Variants in LPXN observed in about 807,000 individuals in gnomAD.
LPXN encodes leupaxin.
LPXN carries 28 observed loss-of-function variants against 45.6 expected under a neutral mutation model. The observed-to-expected ratio is 0.61, with a 90% confidence interval of 0.45 to 0.84. LPXN has a LOEUF of 0.84. Among genes scored for constraint, LPXN ranks in the 40% least tolerant of loss-of-function variants. The pLI, the probability that LPXN is intolerant of heterozygous loss-of-function variation, is 0.00. For missense variants in LPXN, 459 were observed against 475.0 expected (o/e 0.97, Z 0.31); for synonymous variants, 166 against 169.9 (o/e 0.98, Z 0.18).
upstream of LPXN, among the ~76,000 whole-genome samples, chr11:58,576,344 G>T (rs777252766): frequency 6.6e-6 from 1 of 152,198 alleles, no homozygotes; most frequent in Non-Finnish European, 1.5e-5. Context: ...TAGGGCAGAA[G>T]TGGATTCATG....
At chr11:58,529,586 G>GGAGA (rs1853325081) in intron 7 of LPXN, among the ~76,000 whole-genome samples, 1 of 149,644 alleles carries the variant, frequency 6.7e-6, no homozygotes, top group Non-Finnish European at 1.5e-5. Context: ...CTCCAGCCTG[G>GGAGA]GAGATAGTGA....
chr11:58,550,129 C>A lies in LPXN; in HGVS notation c.504G>T (p.Gly168=). 1 of 1,613,850 alleles carries A rather than the reference C, an allele frequency of 6.2e-7. No individual in the cohort carries two copies. The highest frequency in any genetic ancestry group is 8.5e-7 in the Non-Finnish European group (1 of 1,179,750). Residue 168 remains glycine, a synonymous_variant, in exon 6 of 9, where the codon GGG becomes GGT. Transcript: ENST00000395074. Reference sequence around the variant, plus strand: ...CAAAATGCTCAGGATGCCATGATTGCCCTAGAGCATGGATCACCTGTGGAG... The same window carrying A: ...CAAAATGCTCAGGATGCCATGATTGACCTAGAGCATGGATCACCTGTGGAG... ...PIAGKVIHAL[G]QSWHPEHFVC... is the part of the protein sequence containing the mutation.
intron 5 of LPXN, 122 bp from the exon 6 acceptor site, chr11:58,550,268 A>C: frequency 2.2e-6 from 2 of 900,682 alleles, no homozygotes; most frequent in Non-Finnish European, 3.6e-6. Flanking sequence ...CCCTGGAATT[A>C]TACAACACTG....
rs372857209 is a variant in LPXN at position 58,551,037 on chromosome 11, G to A, written c.486+28C>T. 9.8e-6 allele frequency: 15 copies of A among 1,529,216 alleles called. No homozygotes were observed. The African/African-American group carries it at 1.8e-4, about 18-fold the overall frequency. The allele number at this position is 1,529,216 out of a possible 1,614,324, so 94.7% of individuals were successfully genotyped here. On this transcript the variant is annotated intron_variant, in intron 5 of 8. Transcript: ENST00000395074. ...GAGACAGAGAGAGACAAAGAAGGCT[G>A]TAGGACCAAAATTTCAGCCCATCTC...
In LPXN at chr11:58,554,905, G is replaced by A; in HGVS notation, c.254C>T (p.Ser85Phe). 1 of 1,614,098 alleles carries A rather than the reference G, an allele frequency of 6.2e-7. No individual in the cohort carries two copies. Among genetic ancestry groups the A allele is most frequent in the Non-Finnish European group, 8.5e-7 (1 of 1,179,996 alleles). The change falls in exon 4 of 9, where the codon TCT becomes TTT. Residue 85 changes from serine to phenylalanine, a missense_variant. Transcript: ENST00000395074. The part of the protein sequence containing the change: ...AQEPKESPPP[S>F]KTSAAAQLDE... Reference sequence around the variant, plus strand: ...CAACTGAGCAGCTGCTGACGTTTTAGAAGGTGGTGGTGATTCCTTTGGCTC... The same window carrying A: ...CAACTGAGCAGCTGCTGACGTTTTAAAAGGTGGTGGTGATTCCTTTGGCTC...
At chr11:58,575,073 G>GT (rs1854839972) in intron 1 of LPXN, among the ~76,000 whole-genome samples, 1 of 152,130 alleles carries the variant, frequency 6.6e-6, no homozygotes, top group Non-Finnish European at 1.5e-5. Context: ...TACTCCAAAG[G>GT]TTTGAAATCC....
chr11:58,532,565 G>T (rs1329564083), intron 7 of LPXN, among the ~76,000 whole-genome samples: 1 of 151,646 alleles, frequency 6.6e-6, no homozygotes, highest in East Asian at 1.9e-4. Flanking sequence ...TCTGTGTCTA[G>T]CTAATCTAGT....
chr11:58,556,013 A>G (rs1378573159), intron 3 of LPXN, among the ~76,000 whole-genome samples: 1 of 152,112 alleles, frequency 6.6e-6, no homozygotes, highest in African/African-American at 2.4e-5. Flanking sequence ...ATCATTGTAT[A>G]AAATTCCCAA....
chr11:58,544,842 A>G (rs1203284764), intron 7 of LPXN, among the ~76,000 whole-genome samples: 1 of 152,178 alleles, frequency 6.6e-6, no homozygotes, highest in Non-Finnish European at 1.5e-5. Context: ...AAAAAGAAAC[A>G]CAGGTAGACA....
chr11:58,571,023 C>A (rs1395661701), intron 1 of LPXN, among the ~76,000 whole-genome samples: 3 of 152,046 alleles, frequency 2.0e-5, no homozygotes. Flanking sequence ...AGGGTAGATT[C>A]CCCACAAATA....
At chr11:58,530,070 G>A (rs968410183) in intron 7 of LPXN, among the ~76,000 whole-genome samples, 2 of 152,322 alleles carry the variant, frequency 1.3e-5, no homozygotes, top group Non-Finnish European at 2.9e-5. Context: ...TTGTGCCTAC[G>A]CCACCAGGGC....
intron 2 of LPXN, among the ~76,000 whole-genome samples, chr11:58,564,891 T>C (rs2120354871): frequency 6.6e-6 from 1 of 150,984 alleles, no homozygotes; most frequent in East Asian, 1.9e-4. Context: ...ATATAGGAGG[T>C]GGGGAAAGAA....
chr11:58,561,161 C>T (rs975446110), intron 3 of LPXN, among the ~76,000 whole-genome samples: 2 of 152,082 alleles, frequency 1.3e-5, no homozygotes, highest in Non-Finnish European at 2.9e-5. Flanking sequence ...CACAAAGATG[C>T]AAAGTCATAA....
At chr11:58,531,450 G>A (rs1291819292) in intron 7 of LPXN, among the ~76,000 whole-genome samples, 1 of 151,604 alleles carries the variant, frequency 6.6e-6, no homozygotes. Flanking sequence ...GCAGAAGAAA[G>A]GATATAAGAG....
chr11:58,568,226 T>C (rs996931943), intron 2 of LPXN, among the ~76,000 whole-genome samples: 29 of 152,204 alleles, frequency 1.9e-4, no homozygotes, highest in African/African-American at 7.0e-4. Context: ...TCTTGAAAGG[T>C]TGCTGCTAGC....
Position 58,551,237 on chromosome 11 carries a change from C to A in LPXN, c.319-5G>T, listed in dbSNP as rs751388354. ...AGCATCTGCTCTCACTGCAACCTGG[C>A]CCAAGGGAAGAACCAAGAACAGAAT... On this transcript the variant is annotated splice_region_variant and splice_polypyrimidine_tract_variant and intron_variant, in intron 4 of 8. Transcript: ENST00000395074. 4 of 1,597,470 alleles carry A rather than the reference C, an allele frequency of 2.5e-6. No individual in the cohort carries two copies. Among genetic ancestry groups the A allele is most frequent in the Non-Finnish European group, 2.6e-6 (3 of 1,173,152 alleles).
chr11:58,549,469 T>C (rs1447004485), intron 7 of LPXN, among the ~76,000 whole-genome samples: 1 of 151,990 alleles, frequency 6.6e-6, no homozygotes, highest in Non-Finnish European at 1.5e-5. Context: ...CTAAAATAAT[T>C]TGGAGAGGAG....
At chr11:58,561,853 A>G (rs140954970) in intron 3 of LPXN, among the ~76,000 whole-genome samples, 5 of 152,264 alleles carry the variant, frequency 3.3e-5, no homozygotes, top group Non-Finnish European at 5.9e-5. Context: ...AAAATTCTAC[A>G]TAAGAAATGA....
intron 7 of LPXN, among the ~76,000 whole-genome samples, chr11:58,530,635 C>T (rs540532642): frequency 6.6e-6 from 1 of 152,344 alleles, no homozygotes; most frequent in South Asian, 2.1e-4. Flanking sequence ...CTTCAGTAGA[C>T]TTAAACATCC....
Sources: gnomAD v4.1 joint callset for allele counts (sites outside exome capture counted in the v4.1 genomes callset) on GRCh38, gnomAD v4.1.1 for gene constraint, MANE v1.5 for transcripts, NCBI Gene and HGNC (gene_info 2026-07-23, HGNC 2026-07-21) for gene names.